Variants in LMO7 observed in about 807,000 individuals in gnomAD.
The protein encoded by LMO7 is LIM domain 7, also known as LIM domain only protein 7.
LMO7 carries 120 observed loss-of-function variants against 206.5 expected under a neutral mutation model. The ratio of observed to expected loss-of-function variants is 0.58; its 90% CI spans 0.50 to 0.68. The LOEUF is 0.68. LMO7 is among the 30% of genes least tolerant of loss of function. LMO7 has a pLI of 0.00. For missense variants in LMO7, 1,959 were observed against 1,957.9 expected, an observed-to-expected ratio of 1.00 and a Z score of -0.01; for synonymous variants, 706 against 681.5, an observed-to-expected ratio of 1.04 and a Z score of -0.56.
chr13:75,656,073 A>G (rs2038040821), intron 1 of LMO7, among the ~76,000 whole-genome samples: 1 of 152,166 alleles, frequency 6.6e-6, no homozygotes, highest in South Asian at 2.1e-4. Flanking sequence ...CCTGGAAGCC[A>G]TGGCAACTGT....
chr13:75,848,085 G>A (rs544879426), intron 26 of LMO7, among the ~76,000 whole-genome samples: 20 of 151,912 alleles, frequency 1.3e-4, no homozygotes, highest in African/African-American at 4.6e-4. Context: ...ATTTCCATAG[G>A]TTTTTGGGGA....
At chr13:75,630,922 C>T (rs930833998) in intron 2 of LMO7, among the ~76,000 whole-genome samples, 5 of 152,180 alleles carry the variant, frequency 3.3e-5, no homozygotes, top group Admixed American at 2.0e-4. Context: ...TCCCAAAGTG[C>T]TGGGATTACA....
At chr13:75,681,718 GTATATATATATATATATATATA>G (rs71127572) in intron 1 of LMO7, among the ~76,000 whole-genome samples, 1 of 104,580 alleles carries the variant, frequency 9.6e-6, no homozygotes. Flanking sequence ...ATATATATAT[GTATATATATATATATATATATA>G]TATATATATG....
Position 75,849,134 on chromosome 13 carries a change from C to G in LMO7, c.4206C>G (p.Ser1402=). The stretch of plus-strand genomic sequence containing the variant: ...ACATGACCTCTTCACAGAGGAGATC[C>G]AAGAAAGAACAAGTACCATCAGGAG... ...IGNMTSSQRR[S]KKEQVPSGAE... is the part of the protein sequence containing the mutation. The change falls in exon 27 of 31, where the codon TCC becomes TCG. Residue 1402 remains serine (S), a synonymous_variant. Transcript: ENST00000377534. 6.2e-7 allele frequency: 1 copy of G among 1,613,286 alleles called. No individual in the cohort carries two copies. Among genetic ancestry groups the G allele is most frequent in the Non-Finnish European group, 8.5e-7 (1 of 1,179,316 alleles).
At chr13:75,853,737 T>C (rs1159415773) in intron 28 of LMO7, among the ~76,000 whole-genome samples, 3 of 152,226 alleles carry the variant, frequency 2.0e-5, no homozygotes, top group Non-Finnish European at 4.4e-5. Context: ...CGAATGCTTC[T>C]CAAATTTCTG....
intron 15 of LMO7, among the ~76,000 whole-genome samples, chr13:75,825,925 C>G (rs1172581677): frequency 2.0e-5 from 3 of 152,126 alleles, no homozygotes; most frequent in Admixed American, 2.0e-4. Flanking sequence ...GAATGTTCTT[C>G]AGGTCATTTT....
chr13:75,777,602 C>G (rs544403108), intron 4 of LMO7, among the ~76,000 whole-genome samples: 5 of 151,488 alleles, frequency 3.3e-5, no homozygotes, highest in African/African-American at 1.2e-4. Flanking sequence ...TCATCACATT[C>G]AGATAAATTA....
chr13:75,626,517 A>T (rs1168823442), intron 2 of LMO7, among the ~76,000 whole-genome samples: 2 of 149,038 alleles, frequency 1.3e-5, no homozygotes, highest in African/African-American at 5.0e-5. Context: ...GATACAATTG[A>T]AATTGAGATT....
intron 1 of LMO7, among the ~76,000 whole-genome samples, chr13:75,708,391 A>G (rs969911875): frequency 6.6e-6 from 1 of 152,152 alleles, no homozygotes; most frequent in Non-Finnish European, 1.5e-5. Context: ...CTTCACTGCT[A>G]TCCGGTGTCT....
chr13:75,760,716 G>A, intron 3 of LMO7: 2 of 1,533,352 alleles, frequency 1.3e-6, no homozygotes, highest in East Asian at 4.9e-5. Flanking sequence ...TGTATGCCCG[G>A]GCATAAGATA....
chr13:75,686,646 T>C (rs1454254278), intron 1 of LMO7, among the ~76,000 whole-genome samples: 1 of 151,702 alleles, frequency 6.6e-6, no homozygotes, highest in Non-Finnish European at 1.5e-5. Flanking sequence ...CTAGGGAAAG[T>C]TTGTGGCAAC....
chr13:75,637,914 TAGAA>T (rs2036122014), intron 1 of LMO7, among the ~76,000 whole-genome samples: 1 of 152,126 alleles, frequency 6.6e-6, no homozygotes, highest in Non-Finnish European at 1.5e-5. Context: ...GAAGGTGACT[TAGAA>T]AGATGTGAAG....
chr13:75,648,961 G>T (rs188913272), intron 1 of LMO7, among the ~76,000 whole-genome samples: 1 of 152,292 alleles, frequency 6.6e-6, no homozygotes, highest in African/African-American at 2.4e-5. Context: ...AATGGGAAAA[G>T]CATTTGGGAA....
At chr13:75,814,568 A>G (rs555499222) in intron 11 of LMO7, among the ~76,000 whole-genome samples, 1 of 152,206 alleles carries the variant, frequency 6.6e-6, no homozygotes, top group South Asian at 2.1e-4. Flanking sequence ...TAACACATTT[A>G]TCGGGCACCT....
chr13:75,801,632 G>T (rs531204851), intron 7 of LMO7, among the ~76,000 whole-genome samples: 10 of 152,156 alleles, frequency 6.6e-5, no homozygotes, highest in Non-Finnish European at 1.2e-4. Context: ...CAATTTCTGA[G>T]TGTACATCTC....
chr13:75,673,203 G>A (rs1220600775), intron 1 of LMO7, among the ~76,000 whole-genome samples: 1 of 152,170 alleles, frequency 6.6e-6, no homozygotes, highest in East Asian at 1.9e-4. Context: ...AACCACCCAG[G>A]TGAATTCACC....
chr13:75,747,128 A>C (rs962688171), intron 3 of LMO7, among the ~76,000 whole-genome samples: 1 of 152,202 alleles, frequency 6.6e-6, no homozygotes, highest in Admixed American at 6.5e-5. Context: ...TTTATCAGGG[A>C]TAAATTTCAA....
chr13:75,761,024 T>G lies in LMO7; in HGVS notation c.303T>G (p.Asn101Lys). The change falls in exon 4 of 31, where the codon AAT (asparagine) becomes AAG (lysine). Residue 101 changes from asparagine (N) to lysine (K), a missense_variant. Physicochemically the swap from Asn to Lys is moderately conservative, Grantham distance 94 (BLOSUM62 0). Transcript: ENST00000377534. The part of the protein sequence containing the change: ...FHPGDLQDLS[N>K]RVTVKQEETD... ...CTGGAGATCTACAGGATTTATCAAATCGAGTCACTGTCAAGTAAGTTTCAA... is the reference window on the plus strand; with the variant it reads ...CTGGAGATCTACAGGATTTATCAAAGCGAGTCACTGTCAAGTAAGTTTCAA... The G allele has an allele frequency of 6.2e-7, 1 of 1,610,558 alleles. No homozygotes were observed. Among genetic ancestry groups the G allele is most frequent in the Non-Finnish European group, 8.5e-7 (1 of 1,177,708 alleles).
intron 3 of LMO7, among the ~76,000 whole-genome samples, chr13:75,749,958 A>C (rs532111021): frequency 1.1e-4 from 17 of 152,196 alleles, no homozygotes; most frequent in African/African-American, 4.1e-4. Context: ...TATATATTAT[A>C]GTCATAAAAT....
Sources: gnomAD v4.1 joint callset for allele counts (sites outside exome capture counted in the v4.1 genomes callset) on GRCh38, gnomAD v4.1.1 for gene constraint, MANE v1.5 for transcripts, NCBI Gene and HGNC (gene_info 2026-07-23, HGNC 2026-07-21) for gene names.